The following NRG1 variants were observed in gnomAD, a reference collection of about 807,000 sequenced individuals.
NRG1 encodes neuregulin 1.
NRG1 carries 18 observed loss-of-function variants against 63.8 expected under a neutral mutation model. The observed-to-expected ratio is 0.28, with a 90% CI of 0.19 to 0.42. The LOEUF (loss-of-function observed/expected upper bound fraction) is 0.42. Among genes scored for constraint, NRG1 ranks in the 10% least tolerant of loss-of-function variants. NRG1 has a pLI of 1.00. For missense variants in NRG1, 762 were observed against 814.7 expected (o/e 0.94, Z 0.79); for synonymous variants, 302 against 301.3 (o/e 1.00, Z -0.02).
At chr8:32,622,586 G>C (rs1298358130) in intron 5 of NRG1, among the ~76,000 whole-genome samples, 4 of 151,962 alleles carry the variant, frequency 2.6e-5, no homozygotes, top group Non-Finnish European at 4.4e-5. Context: ...TTAGAGACAG[G>C]GTTTCGCCAT....
chr8:31,738,501 T>G (rs1814923289), intron 1 of NRG1, among the ~76,000 whole-genome samples: 2 of 152,136 alleles, frequency 1.3e-5, no homozygotes, highest in African/African-American at 4.8e-5. Flanking sequence ...TTTTCTGAAC[T>G]GGGTATGATA....
At chr8:31,786,315 T>C (rs891458240) in intron 1 of NRG1, among the ~76,000 whole-genome samples, 1 of 152,190 alleles carries the variant, frequency 6.6e-6, no homozygotes, top group Non-Finnish European at 1.5e-5. Flanking sequence ...TAAACCAAAG[T>C]GTCTTTTCTA....
chr8:32,267,965 C>G (rs1049623766), intron 1 of NRG1, among the ~76,000 whole-genome samples: 1 of 152,126 alleles, frequency 6.6e-6, no homozygotes, highest in Non-Finnish European at 1.5e-5. Flanking sequence ...TGAATGTCAG[C>G]GGACCTTTAA....
chr8:31,945,173 A>G (rs1023531721), intron 1 of NRG1, among the ~76,000 whole-genome samples: 1 of 152,196 alleles, frequency 6.6e-6, no homozygotes, highest in East Asian at 1.9e-4. Context: ...TGGATTCCCC[A>G]TAACAATTTC....
At chr8:32,586,805 A>C (rs979018711) in intron 1 of NRG1, among the ~76,000 whole-genome samples, 1 of 152,202 alleles carries the variant, frequency 6.6e-6, no homozygotes, top group Non-Finnish European at 1.5e-5. Flanking sequence ...ATTTGACCAA[A>C]TAGTAATTTT....
At chr8:32,380,590 T>C (rs1563385404) in intron 1 of NRG1, among the ~76,000 whole-genome samples, 2 of 152,122 alleles carry the variant, frequency 1.3e-5, no homozygotes, top group African/African-American at 4.8e-5. Context: ...CCAATCCTGG[T>C]CCACCTCCCC....
intron 1 of NRG1, among the ~76,000 whole-genome samples, chr8:32,591,351 G>A (rs16879599): frequency 0.026 from 3,889 of 152,190 alleles, 117 homozygotes; most frequent in South Asian, 0.073. Context: ...TCCTTGAACC[G>A]CAAACATCGA....
chr8:32,077,344 C>A (rs958085986), intron 1 of NRG1, among the ~76,000 whole-genome samples: 1 of 151,974 alleles, frequency 6.6e-6, no homozygotes, highest in African/African-American at 2.4e-5. Context: ...CCAGCCTGGG[C>A]GACAAGAGCA....
At chr8:31,762,231 T>C (rs1413821942) in intron 1 of NRG1, among the ~76,000 whole-genome samples, 2 of 152,208 alleles carry the variant, frequency 1.3e-5, no homozygotes, top group African/African-American at 2.4e-5. Context: ...ATGTGTGTCA[T>C]TCCCCTCTCT....
At chr8:32,540,521 C>T (rs946630230) in intron 1 of NRG1, among the ~76,000 whole-genome samples, 1 of 152,196 alleles carries the variant, frequency 6.6e-6, no homozygotes, top group Non-Finnish European at 1.5e-5. Flanking sequence ...TCTTCTTCCA[C>T]CTACAAAACC....
intron 1 of NRG1, among the ~76,000 whole-genome samples, chr8:32,087,009 A>G (rs6468080): frequency 0.97 from 147,980 of 152,264 alleles, 72,053 homozygotes; most frequent in East Asian, 1. Context: ...AACTGAAACT[A>G]CATGCATCGA....
chr8:31,742,455 A>ATTTTTTTTTTTTTTTTTTTTTTTT lies in NRG1; in HGVS notation c.37+103027_37+103050dup, dbSNP rs36040084. Among the ~76,000 whole-genome samples the ATTTTTTTTTTTTTTTTTTTTTTTT allele has an allele frequency of 1.2e-4, 10 of 80,022 alleles. 1 individual carries two copies. Among genetic ancestry groups the ATTTTTTTTTTTTTTTTTTTTTTTT allele is most frequent in the South Asian group, 4.1e-4 (1 of 2,444 alleles). 52.5% of individuals were successfully genotyped at this position (80,022 alleles called of 152,430 possible). A position where few individuals can be genotyped will look rare whatever the true frequency, so the allele number is the denominator to read the frequency against. On this transcript the variant is annotated intron_variant, in intron 1 of 10. Coordinates refer to the NRG1 transcript ENST00000519301. ...GCAACGACAGACAACTTTTTTAAGA[A>ATTTTTTTTTTTTTTTTTTTTTTTT]TTTTTTTTTTTTTTTTTTTTTTTTT...
intron 1 of NRG1, among the ~76,000 whole-genome samples, chr8:32,402,022 C>T (rs1813274614): frequency 6.6e-6 from 1 of 152,158 alleles, no homozygotes; most frequent in Non-Finnish European, 1.5e-5. Flanking sequence ...GCAATTCTCC[C>T]TGCCTCAGTC....
intron 1 of NRG1, among the ~76,000 whole-genome samples, chr8:32,447,146 C>A (rs986788600): frequency 4.6e-5 from 7 of 151,572 alleles, no homozygotes; most frequent in African/African-American, 1.2e-4. Context: ...CAGCCTCCCA[C>A]GTAGCTGGGA....
chr8:31,901,640 C>T (rs1230375376), intron 1 of NRG1, among the ~76,000 whole-genome samples: 1 of 152,192 alleles, frequency 6.6e-6, no homozygotes, highest in Non-Finnish European at 1.5e-5. Context: ...GTCTACATAA[C>T]TGCACAACGA....
At chr8:31,889,592 A>C (rs984269926) in intron 1 of NRG1, among the ~76,000 whole-genome samples, 7 of 152,214 alleles carry the variant, frequency 4.6e-5, no homozygotes, top group Admixed American at 3.3e-4. Flanking sequence ...AGAGTAGCCA[A>C]GGTCAAAAGC....
chr8:32,487,169 G>T (rs1164582826), intron 1 of NRG1, among the ~76,000 whole-genome samples: 1 of 147,660 alleles, frequency 6.8e-6, no homozygotes. Flanking sequence ...AAAAAATAAC[G>T]TAAAACAGTG....
At chr8:32,205,935 C>CAA (rs5890627) in intron 1 of NRG1, among the ~76,000 whole-genome samples, 29 of 131,832 alleles carry the variant, frequency 2.2e-4, no homozygotes, top group African/African-American at 3.1e-4. Flanking sequence ...CATCTCTCTA[C>CAA]AAAAAAAAAA....
rs763323188 is a variant in NRG1, at chr8:32,645,992, C to T, written c.502+29107C>T. ...AAAACTCTTCTTAGTACTTTCAGTG[C>T]GGTGATAGCTGAGGACATGTGGTAT... On this transcript the variant is annotated intron_variant, in intron 5 of 11. Transcript: ENST00000356819. 5.3e-5 allele frequency among the ~76,000 whole-genome samples: 8 copies of T among 152,174 alleles called. No homozygotes were observed. The South Asian group carries it at 6.2e-4, about 12-fold the overall frequency.
Sources: allele counts gnomAD v4.1 joint callset (sites outside exome capture counted in the v4.1 genomes callset), GRCh38; gene constraint gnomAD v4.1.1; transcripts MANE v1.5; gene names NCBI Gene and HGNC (gene_info 2026-07-23, HGNC 2026-07-21).